Variants in FUT9 observed in about 807,000 individuals in gnomAD.
FUT9 encodes the protein fucosyltransferase 9, also known as 4-galactosyl-N-acetylglucosaminide 3-alpha-L-fucosyltransferase 9.
A neutral mutation model predicts 29.7 loss-of-function variants in FUT9; 15 were observed. The ratio of observed to expected loss-of-function variants is 0.51; its 90% confidence interval spans 0.34 to 0.78. The LOEUF is 0.78. Among genes scored for constraint, FUT9 ranks in the 30% least tolerant of loss-of-function variants. The pLI, the probability that FUT9 is intolerant of heterozygous loss-of-function variation, is 0.01. For missense variants in FUT9, 319 were observed against 425.4 expected, an observed-to-expected ratio of 0.75 and a Z score of 2.20; for synonymous variants, 169 against 153.7, an observed-to-expected ratio of 1.10 and a Z score of -0.74.
chr6:96,060,041 A>G (rs1026854315), intron 1 of FUT9, among the ~76,000 whole-genome samples: 1 of 152,220 alleles, frequency 6.6e-6, no homozygotes, highest in African/African-American at 2.4e-5. Flanking sequence ...TATTATCTGC[A>G]TAGAACAATC....
intron 2 of FUT9, among the ~76,000 whole-genome samples, chr6:96,148,041 GA>G (rs869106838): frequency 2.6e-4 from 38 of 144,702 alleles, no homozygotes; most frequent in African/African-American, 5.5e-4. Context: ...ATGTTGGAAA[GA>G]AAAAAAAAAT....
intron 1 of FUT9, among the ~76,000 whole-genome samples, chr6:96,034,263 G>A (rs1391314793): frequency 1.3e-5 from 2 of 151,620 alleles, no homozygotes; most frequent in Admixed American, 1.3e-4. Context: ...TCATTAGAAG[G>A]AGTAGAGGAG....
chr6:96,188,841 T>G (rs1472896133), intron 2 of FUT9, among the ~76,000 whole-genome samples: 1 of 152,022 alleles, frequency 6.6e-6, no homozygotes, highest in African/African-American at 2.4e-5. Context: ...TGTTAGCTCC[T>G]TGGTCAGTCA....
chr6:96,024,067 AG>A (rs1240199621), intron 1 of FUT9, among the ~76,000 whole-genome samples: 2 of 151,920 alleles, frequency 1.3e-5, no homozygotes, highest in Non-Finnish European at 2.9e-5. Flanking sequence ...ATTGGCCCAA[AG>A]GGCTCCATTC....
In FUT9 at chr6:96,212,186, T is replaced by C. The variant is rs1325062186; in HGVS notation, c.*7951T>C. On this transcript the variant is annotated 3_prime_UTR_variant, in exon 3 of 3. Coordinates refer to ENST00000302103, the MANE Select transcript of FUT9 (RefSeq NM_006581.4). ...AGAAATATGGGCCAGAGTTACAATA[T>C]CACATCTCCAGTCTCAGATTGGCCT... is the stretch of plus-strand genomic sequence containing the variant. 1 of 412,468 alleles carries C rather than the reference T, an allele frequency of 2.4e-6. No homozygotes were observed. The highest frequency in any genetic ancestry group is 4.4e-6 in the Non-Finnish European group (1 of 225,628). The allele number at this position is 412,468 out of a possible 1,614,324, so 25.6% of individuals were successfully genotyped here.
chr6:96,169,288 T>G (rs761013731), intron 2 of FUT9, among the ~76,000 whole-genome samples: 1 of 152,230 alleles, frequency 6.6e-6, no homozygotes, highest in Non-Finnish European at 1.5e-5. Context: ...TCAGTTGTAT[T>G]TTACATTCAT....
At chr6:96,105,583 G>A (rs1305454195) in intron 1 of FUT9, among the ~76,000 whole-genome samples, 2 of 152,036 alleles carry the variant, frequency 1.3e-5, no homozygotes, top group Non-Finnish European at 2.9e-5. Context: ...TTTCCCAAGA[G>A]CCTTTTGTCT....
chr6:96,166,197 A>G (rs1021560716), intron 2 of FUT9, among the ~76,000 whole-genome samples: 2 of 152,146 alleles, frequency 1.3e-5, no homozygotes, highest in Admixed American at 1.3e-4. Flanking sequence ...TTAATATTAA[A>G]GAACGTCATA....
At chr6:96,110,692 C>A (rs981135079) in intron 1 of FUT9, among the ~76,000 whole-genome samples, 1 of 152,012 alleles carries the variant, frequency 6.6e-6, no homozygotes, top group African/African-American at 2.4e-5. Flanking sequence ...TTAAGGGTAT[C>A]ATTCTGTTGC....
intron 2 of FUT9, among the ~76,000 whole-genome samples, chr6:96,194,883 C>T (rs927975467): frequency 6.6e-6 from 1 of 152,018 alleles, no homozygotes; most frequent in Admixed American, 6.6e-5. Context: ...CCCAAAGGCA[C>T]GTGGAGCATG....
Position 96,189,663 on chromosome 6 carries a change from G to A in FUT9, c.-8-13485G>A, listed in dbSNP as rs560293853. On this transcript the variant is annotated intron_variant, in intron 2 of 2. Transcript: ENST00000302103. ...TTGATCCCTTTACCATTATATAATG[G>A]CCTTCTTTGTCTCTTTTGATCTTTG... 1.1e-4 allele frequency among the ~76,000 whole-genome samples: 16 copies of A among 152,062 alleles called. No individual in the cohort carries two copies. The South Asian group carries it at 1.9e-3, about 18-fold the overall frequency.
chr6:96,065,870 G>T (rs1337662553), intron 1 of FUT9, among the ~76,000 whole-genome samples: 2 of 152,116 alleles, frequency 1.3e-5, no homozygotes, highest in African/African-American at 4.8e-5. Flanking sequence ...GATTGTTGTC[G>T]CAAGATAATG....
intron 1 of FUT9, among the ~76,000 whole-genome samples, chr6:96,033,991 C>T (rs527525676): frequency 1.8e-4 from 28 of 151,598 alleles, no homozygotes; most frequent in African/African-American, 6.3e-4. Flanking sequence ...TAAAAAAAGG[C>T]ATAAAGACAT....
intron 2 of FUT9, among the ~76,000 whole-genome samples, chr6:96,137,788 A>G (rs567363757): frequency 2.6e-5 from 4 of 152,244 alleles, no homozygotes; most frequent in Non-Finnish European, 5.9e-5. Flanking sequence ...AGTTTTGATG[A>G]AAGAACCATA....
At chr6:96,125,600 G>T (rs539636565) in intron 2 of FUT9, among the ~76,000 whole-genome samples, 2 of 152,222 alleles carry the variant, frequency 1.3e-5, no homozygotes, top group South Asian at 4.2e-4. Context: ...ACTACAGCTC[G>T]GCAAGATGAA....
At position 96,095,078 on chromosome 6, in the gene FUT9, A is replaced by T. The variant is rs868482892; in HGVS notation, c.-97-18961A>T. ...ACGTCCTCTTCGTGATATGTGGTAA[A>T]TTCTTATTTACACACTAGTTTAAAT... On this transcript the variant is annotated intron_variant, in intron 1 of 2. Transcript: ENST00000302103. Among the ~76,000 whole-genome samples the T allele has an allele frequency of 2.6e-4, 40 of 152,156 alleles. No individual in the cohort carries two copies. The Middle Eastern group carries it at 0.01, about 39-fold the overall frequency.
In FUT9 at chr6:96,212,722, T is replaced by A. The variant is rs1773961765; in HGVS notation, c.*8487T>A. 5.5e-6 allele frequency: 1 copy of A among 181,306 alleles called. No homozygotes were observed. The highest frequency in any genetic ancestry group is 2.4e-5 in the African/African-American group (1 of 42,120). 11.2% of individuals were successfully genotyped at this position (181,306 alleles called of 1,614,324 possible). On this transcript the variant is annotated 3_prime_UTR_variant, in exon 3 of 3. Transcript: ENST00000302103. ...TTGTTGAGGTTAAACATCTTCATTA[T>A]AATAATATGTCTTATTCTGATTCCA...
intron 2 of FUT9, among the ~76,000 whole-genome samples, chr6:96,201,586 T>C (rs1773726796): frequency 6.6e-6 from 1 of 152,046 alleles, no homozygotes; most frequent in African/African-American, 2.4e-5. Context: ...TGTTTAAATA[T>C]ACAACAAAAT....
intron 1 of FUT9, chr6:96,020,786 C>T (rs941788653): frequency 6.6e-6 from 1 of 152,056 alleles, no homozygotes; most frequent in African/African-American, 2.4e-5. Context: ...TGCTGGGTGG[C>T]TGATTCAAAA....
Sources: gnomAD v4.1 joint callset for allele counts (sites outside exome capture counted in the v4.1 genomes callset) on GRCh38, gnomAD v4.1.1 for gene constraint, MANE v1.5 for transcripts, NCBI Gene and HGNC (gene_info 2026-07-23, HGNC 2026-07-21) for gene names.